The following GDF5 variants were observed in gnomAD, a reference collection of about 807,000 sequenced individuals.
The protein encoded by GDF5 is growth/differentiation factor 5.
Under a neutral mutation model 34.6 loss-of-function variants are expected in GDF5, and 17 were observed. The ratio of observed to expected loss-of-function variants is 0.49; its 90% CI spans 0.34 to 0.74. The LOEUF (loss-of-function observed/expected upper bound fraction) is 0.74. Ranked by LOEUF, GDF5 falls within the 30% of genes least tolerant of loss-of-function variation. The pLI, the probability that GDF5 is intolerant of heterozygous loss-of-function variation, is 0.01. For synonymous variants in GDF5, 332 were observed against 290.7 expected, an observed-to-expected ratio of 1.14 and a Z score of -1.44; for missense variants, 616 against 661.2, an observed-to-expected ratio of 0.93 and a Z score of 0.75.
rs915981533 is a variant in GDF5, at chr20:35,434,731, G to A, written c.684C>T (p.Ala228=). ...CCCCCAGCAGCCCATCCTTCTCCAG[G>A]GCACTAATGTCAAACACGTACCTCT... The part of the protein sequence containing the change: ...RKQRYVFDIS[A]LEKDGLLGAE... Residue 228 remains alanine (A), a synonymous_variant, in exon 2 of 2, where the codon GCC becomes GCT. Transcript: ENST00000374369. 1.9e-6 allele frequency: 3 copies of A among 1,611,200 alleles called. No homozygotes were observed. The highest frequency in any genetic ancestry group is 8.5e-7 in the Non-Finnish European group (1 of 1,179,836).
At position 35,446,183 on chromosome 20, in the gene GDF5, A is replaced by C. The variant is rs930208257; in HGVS notation, c.-397-4796T>G. Among the ~76,000 whole-genome samples, 9 of 148,456 alleles carry C rather than the reference A, an allele frequency of 6.1e-5. No homozygotes were observed. The East Asian group carries it at 1.9e-3, about 31-fold the overall frequency. The stretch of plus-strand genomic sequence containing the variant: ...AAAATAGCTGAATGTGGTGGCAGGC[A>C]CCTGTAATTCCAGCTATTTGGGAGT... On this transcript the variant is annotated intron_variant, in intron 1 of 3. Transcript: ENST00000374372.
chr20:35,449,409 T>C (rs925005753), intron 1 of GDF5, among the ~76,000 whole-genome samples: 1 of 152,130 alleles, frequency 6.6e-6, no homozygotes, highest in Non-Finnish European at 1.5e-5. Context: ...CCAGAATAGT[T>C]GGGACTACAG....
upstream of GDF5, among the ~76,000 whole-genome samples, chr20:35,442,391 A>G (rs2062500734): frequency 6.6e-6 from 1 of 151,490 alleles, no homozygotes; most frequent in South Asian, 2.1e-4. Flanking sequence ...GGTGATCCAC[A>G]AAAAAGCATT....
chr20:35,446,616 AGTTTT>A (rs892546451), intron 1 of GDF5, among the ~76,000 whole-genome samples: 10 of 151,728 alleles, frequency 6.6e-5, no homozygotes, highest in African/African-American at 1.9e-4. Flanking sequence ...CATAAATTAC[AGTTTT>A]GTTTTGTTTT....
rs1460016950 is a variant in GDF5, at chr20:35,437,704, C to T, written c.225G>A (p.Arg75=). ...CTGTCTGCCCGGTGCCTCCCTTTGC[C>T]CTGGCATTGGCATTGGTGGCCCCCC... ...YGGGATNANA[R]AKGGTGQTGG... The change falls in exon 1 of 2, where the codon AGG becomes AGA. Residue 75 remains arginine (R), a synonymous_variant. Coordinates refer to ENST00000374369, the MANE Select transcript of GDF5 (RefSeq NM_000557.5). 1 of 1,614,018 alleles carries T rather than the reference C, an allele frequency of 6.2e-7. No homozygotes were observed. Among genetic ancestry groups the T allele is most frequent in the Admixed American group, 1.7e-5 (1 of 60,002 alleles).
chr20:35,451,051 A>ATATATATATATATAT (rs1483469021), intron 1 of GDF5, among the ~76,000 whole-genome samples: 1 of 38,650 alleles, frequency 2.6e-5, no homozygotes, highest in South Asian at 9.9e-4. Context: ...AGAAAAAAAA[A>ATATATATATATATAT]AAAAAAAAAA....
In GDF5 at chr20:35,433,573, C is replaced by T. The variant is rs541849410; in HGVS notation, c.*336G>A. The T allele has an allele frequency of 5.2e-6, 2 of 385,190 alleles. No homozygotes were observed. The highest frequency in any genetic ancestry group is 2.1e-5 in the South Asian group (1 of 47,756). The allele number at this position is 385,190 out of a possible 1,614,324, so 23.9% of individuals were successfully genotyped here. ...AGAGGTGCTTAGGAGAGTCCAGAGG[C>T]TGAGAAGGCCCAGGTGAGGAGAAAT... On this transcript the variant is annotated 3_prime_UTR_variant, in exon 2 of 2. Transcript: ENST00000374369.
intron 1 of GDF5, among the ~76,000 whole-genome samples, chr20:35,450,002 A>AAG (rs1204075511): frequency 7.3e-5 from 11 of 150,696 alleles, no homozygotes; most frequent in African/African-American, 1.2e-4. Context: ...AAAAAAAAAA[A>AAG]AGAGAGAGAG....
intron 1 of GDF5, among the ~76,000 whole-genome samples, chr20:35,444,523 G>A (rs1274934671): frequency 6.6e-6 from 1 of 152,128 alleles, no homozygotes; most frequent in Non-Finnish European, 1.5e-5. Context: ...CAGGAGGTGA[G>A]GTCAGATCAT....
rs1385293804 is a variant in GDF5 at position 35,437,656 on chromosome 20, C to T, written c.273G>A (p.Lys91=). The part of the protein sequence containing the change: ...GQTGGLTQPK[K]DEPKKLPPRP... Reference sequence around the variant, plus strand: ...TGGGGGGCAGCTTTTTGGGTTCATCCTTCTTGGGCTGTGTCAGGCCTCCTG... The same window carrying T: ...TGGGGGGCAGCTTTTTGGGTTCATCTTTCTTGGGCTGTGTCAGGCCTCCTG... The change falls in exon 1 of 2, where the codon AAG becomes AAA. Residue 91 remains lysine, a synonymous_variant. Transcript: ENST00000374369. 1 of 1,614,006 alleles carries T rather than the reference C, an allele frequency of 6.2e-7. No individual in the cohort carries two copies.
At chr20:35,453,067 G>C (rs892419440) in intron 1 of GDF5, among the ~76,000 whole-genome samples, 7 of 152,046 alleles carry the variant, frequency 4.6e-5, no homozygotes, top group South Asian at 2.1e-4. Flanking sequence ...GGCTAACACG[G>C]TGAAACCCCG....
At chr20:35,452,681 C>G (rs2062537885) in intron 1 of GDF5, among the ~76,000 whole-genome samples, 1 of 151,534 alleles carries the variant, frequency 6.6e-6, no homozygotes. Context: ...CTCAGCCTCC[C>G]AAAGTGCTGG....
chr20:35,442,988 G>A (rs1273485985), upstream of GDF5, among the ~76,000 whole-genome samples: 1 of 152,212 alleles, frequency 6.6e-6, no homozygotes, highest in Non-Finnish European at 1.5e-5. Flanking sequence ...GGGCACTGGG[G>A]AAAGTTACAG....
In GDF5 at chr20:35,434,667, C is replaced by T. The variant is rs867932138; in HGVS notation, c.748G>A (p.Ala250Thr). Residue 250 changes from alanine to threonine, a missense_variant, in exon 2 of 2, where the codon GCC becomes ACC. By Grantham distance (58) the Ala-to-Thr change is moderately conservative. Coordinates refer to ENST00000374369, the MANE Select transcript of GDF5 (RefSeq NM_000557.5). ...RILRKKPSDT[A>T]KPAAPGGGRA... ...CCGCCTCCGGGGGCCGCTGGCTTGGCCGTGTCCGAGGGCTTCTTCCGCAAG... is the reference window on the plus strand; with the variant it reads ...CCGCCTCCGGGGGCCGCTGGCTTGGTCGTGTCCGAGGGCTTCTTCCGCAAG... The T allele has an allele frequency of 6.2e-7, 1 of 1,612,242 alleles. No individual in the cohort carries two copies. The highest frequency in any genetic ancestry group is 1.1e-5 in the South Asian group (1 of 91,046).
In GDF5 at chr20:35,437,687, C is replaced by G; in HGVS notation, c.242G>C (p.Gly81Ala). ...NANARAKGGT[G>A]QTGGLTQPKK... ...GGGCTGTGTCAGGCCTCCTGTCTGC[C>G]CGGTGCCTCCCTTTGCCCTGGCATT... Residue 81 changes from glycine (G) to alanine (A), a missense_variant, in exon 1 of 2, where the codon GGG becomes GCG. By Grantham distance (60) the Gly-to-Ala change is moderately conservative. Coordinates refer to ENST00000374369, the MANE Select transcript of GDF5 (RefSeq NM_000557.5). The G allele has an allele frequency of 1.2e-6, 2 of 1,614,074 alleles. No homozygotes were observed. Among genetic ancestry groups the G allele is most frequent in the Non-Finnish European group, 1.7e-6 (2 of 1,179,990 alleles).
At chr20:35,453,196 G>A (rs2062541309) in intron 1 of GDF5, among the ~76,000 whole-genome samples, 1 of 152,188 alleles carries the variant, frequency 6.6e-6, no homozygotes, top group Non-Finnish European at 1.5e-5. Flanking sequence ...CTTGCAGTGA[G>A]CCGAGATTGC....
rs189605006 is a variant in GDF5, at chr20:35,438,196, G to T, written c.-268C>A. On this transcript the variant is annotated 5_prime_UTR_variant, in exon 1 of 2. Transcript: ENST00000374369. ...TGAAAATAACTCGTTCTTGAAAGGA[G>T]AAAGCCGACCGCCCCCTTTCTCCTG... The T allele has an allele frequency of 1.8e-5, 10 of 542,344 alleles. No homozygotes were observed. The allele number at this position is 542,344 out of a possible 1,614,324, so 33.6% of individuals were successfully genotyped here. A position where few individuals can be genotyped will look rare whatever the true frequency, so the allele number is the denominator to read the frequency against.
chr20:35,444,161 A>C (rs1461616620), intron 1 of GDF5, among the ~76,000 whole-genome samples: 1 of 152,224 alleles, frequency 6.6e-6, no homozygotes, highest in Non-Finnish European at 1.5e-5. Context: ...AGCCATGGAC[A>C]AGACAAACCA....
At chr20:35,443,808 G>A (rs1438416774) in intron 1 of GDF5, among the ~76,000 whole-genome samples, 1 of 152,118 alleles carries the variant, frequency 6.6e-6, no homozygotes, top group Non-Finnish European at 1.5e-5. Context: ...CACTGCGCCG[G>A]CCGGCCAGAT....
Sources: allele counts gnomAD v4.1 joint callset (sites outside exome capture counted in the v4.1 genomes callset), GRCh38; gene constraint gnomAD v4.1.1; transcripts MANE v1.5; gene names NCBI Gene and HGNC (gene_info 2026-07-23, HGNC 2026-07-21).